The following AKAP6 variants were observed in gnomAD, a reference collection of about 807,000 sequenced individuals.
The protein encoded by AKAP6 is A-kinase anchor protein 6.
A neutral mutation model predicts 188.5 loss-of-function variants in AKAP6; 58 were observed. The ratio of observed to expected loss-of-function variants is 0.31; its 90% confidence interval spans 0.25 to 0.38. AKAP6 has a LOEUF of 0.38. Among genes scored for constraint, AKAP6 ranks in the 10% least tolerant of loss-of-function variants. The pLI is 1.00. For synonymous variants in AKAP6, 989 were observed against 998.6 expected (o/e 0.99, Z 0.18); for missense variants, 2,710 against 2,740.0 (o/e 0.99, Z 0.24).
intron 7 of AKAP6, among the ~76,000 whole-genome samples, chr14:32,634,563 T>A (rs1036899993): frequency 2.0e-5 from 3 of 152,092 alleles, no homozygotes; most frequent in Non-Finnish European, 4.4e-5. Flanking sequence ...CTGTATCCTA[T>A]AGGCTGAGGA....
At chr14:32,422,133 A>G (rs1889870533) in intron 1 of AKAP6, among the ~76,000 whole-genome samples, 1 of 152,208 alleles carries the variant, frequency 6.6e-6, no homozygotes, top group Non-Finnish European at 1.5e-5. Flanking sequence ...TTAAAAATCA[A>G]GATTAATCTT....
intron 1 of AKAP6, among the ~76,000 whole-genome samples, chr14:32,342,552 T>C (rs1295483258): frequency 6.6e-6 from 1 of 152,186 alleles, no homozygotes; most frequent in Non-Finnish European, 1.5e-5. Flanking sequence ...ACAACTGATA[T>C]TATTAGACAT....
At chr14:32,761,976 C>G (rs1371709897) in intron 11 of AKAP6, among the ~76,000 whole-genome samples, 1 of 152,150 alleles carries the variant, frequency 6.6e-6, no homozygotes, top group East Asian at 1.9e-4. Flanking sequence ...AGATAAAAAG[C>G]ACAGTGGGTG....
At chr14:32,354,375 C>T (rs1344698486) in intron 1 of AKAP6, among the ~76,000 whole-genome samples, 1 of 151,796 alleles carries the variant, frequency 6.6e-6, no homozygotes, top group African/African-American at 2.4e-5. Flanking sequence ...TGACCTTGGA[C>T]AATTTACTTA....
chr14:32,757,732 C>T (rs116784110), intron 11 of AKAP6, among the ~76,000 whole-genome samples: 1,641 of 152,288 alleles, frequency 0.011, 28 homozygotes, highest in African/African-American at 0.037. Context: ...AACGGAGATA[C>T]AGACAGTGAA....
At chr14:32,606,505 A>C (rs965746826) in intron 7 of AKAP6, among the ~76,000 whole-genome samples, 1 of 152,238 alleles carries the variant, frequency 6.6e-6, no homozygotes, top group African/African-American at 2.4e-5. Context: ...TGACTTATCC[A>C]ACCTTACATC....
At chr14:32,548,124 A>G (rs1453810451) in intron 4 of AKAP6, among the ~76,000 whole-genome samples, 4 of 128,942 alleles carry the variant, frequency 3.1e-5, no homozygotes, top group Non-Finnish European at 4.7e-5. Flanking sequence ...TCCTCTGAGC[A>G]GAGTTTTGCT....
At chr14:32,556,324 G>A (rs1180940170) in intron 4 of AKAP6, among the ~76,000 whole-genome samples, 1 of 151,918 alleles carries the variant, frequency 6.6e-6, no homozygotes, top group African/African-American at 2.4e-5. Context: ...TTCAGTTGTA[G>A]GAGTTCGTTA....
intron 12 of AKAP6, among the ~76,000 whole-genome samples, chr14:32,809,646 C>T (rs2034173611): frequency 6.6e-6 from 1 of 152,150 alleles, no homozygotes; most frequent in African/African-American, 2.4e-5. Context: ...TCACACACAG[C>T]TCATCTAGTG....
At chr14:32,499,883 C>A (rs1157169536) in intron 2 of AKAP6, among the ~76,000 whole-genome samples, 1 of 151,694 alleles carries the variant, frequency 6.6e-6, no homozygotes, top group East Asian at 1.9e-4. Context: ...TCATTCATAC[C>A]AAAGACCTAT....
chr14:32,483,770 C>T (rs1879501884), intron 2 of AKAP6, among the ~76,000 whole-genome samples: 2 of 152,138 alleles, frequency 1.3e-5, no homozygotes, highest in Admixed American at 1.3e-4. Flanking sequence ...AGGTGTGAGC[C>T]ACTGTGCCCC....
At chr14:32,509,120 CT>C (rs368423502) in intron 2 of AKAP6, among the ~76,000 whole-genome samples, 2,012 of 94,406 alleles carry the variant, frequency 0.021, 11 homozygotes, top group African/African-American at 0.035. Flanking sequence ...TGCCCTGCCT[CT>C]TTTTTTTTTT....
chr14:32,499,253 G>A (rs1880480640), intron 2 of AKAP6, among the ~76,000 whole-genome samples: 1 of 140,456 alleles, frequency 7.1e-6, no homozygotes, highest in Non-Finnish European at 1.5e-5. Context: ...TATTTGTTAT[G>A]ATTTATCAAC....
At chr14:32,345,077 G>GT (rs1195284545) in intron 1 of AKAP6, among the ~76,000 whole-genome samples, 1 of 152,082 alleles carries the variant, frequency 6.6e-6, no homozygotes, top group Non-Finnish European at 1.5e-5. Flanking sequence ...ATCAAATTTT[G>GT]TTTTTTCTAT....
intron 12 of AKAP6, among the ~76,000 whole-genome samples, chr14:32,787,950 A>G (rs901264975): frequency 6.7e-6 from 1 of 149,502 alleles, no homozygotes; most frequent in East Asian, 2.0e-4. Flanking sequence ...CTGAAACAGG[A>G]GGACTGCTTG....
Position 32,822,433 on chromosome 14 carries a change from A to T in AKAP6, c.4620A>T (p.Ser1540=). ...CATCTCATGAAATGGATCGCATTTC[A>T]TATAAAAGTGGCAATATAGAAAAGA... The part of the protein sequence containing the change: ...ASASHEMDRI[S]YKSGNIEKTF... Residue 1540 remains serine (S), a synonymous_variant, in exon 13 of 14, where the codon TCA becomes TCT. Transcript: ENST00000280979. The T allele has an allele frequency of 6.2e-7, 1 of 1,614,054 alleles. No individual in the cohort carries two copies. The highest frequency in any genetic ancestry group is 1.1e-5 in the South Asian group (1 of 91,086).
intron 1 of AKAP6, among the ~76,000 whole-genome samples, chr14:32,360,504 A>G (rs1397455264): frequency 6.6e-6 from 1 of 152,052 alleles, no homozygotes; most frequent in African/African-American, 2.4e-5. Flanking sequence ...ATCACCTGTT[A>G]TATTGGTGAT....
chr14:32,712,937 A>G (rs1489596127), intron 9 of AKAP6, among the ~76,000 whole-genome samples: 1 of 151,954 alleles, frequency 6.6e-6, no homozygotes, highest in African/African-American at 2.4e-5. Flanking sequence ...AAGGTTTTCA[A>G]TGGACTTTGT....
chr14:32,835,976 AAAGGCATTTTGGCC>A lies in AKAP6; in HGVS notation c.*6174_*6187del, dbSNP rs1159498546. 1 of 152,260 alleles carries A rather than the reference AAAGGCATTTTGGCC, an allele frequency of 6.6e-6. No homozygotes were observed. Among genetic ancestry groups the A allele is most frequent in the Non-Finnish European group, 1.5e-5 (1 of 68,048 alleles). 9.4% of individuals were successfully genotyped at this position (152,260 alleles called of 1,614,324 possible). Reference sequence around the variant, plus strand: ...CCCACAATAGTATGGTTTCTTTGGCAAAGGCATTTTGGCCAATGCCGTAAGACCATTCTGGCCCT... The same window carrying A: ...CCCACAATAGTATGGTTTCTTTGGCAAATGCCGTAAGACCATTCTGGCCCT... On this transcript the variant is annotated 3_prime_UTR_variant, in exon 14 of 14. Transcript: ENST00000280979.
Sources: gnomAD v4.1 joint callset for allele counts (sites outside exome capture counted in the v4.1 genomes callset) on GRCh38, gnomAD v4.1.1 for gene constraint, MANE v1.5 for transcripts, NCBI Gene and HGNC (gene_info 2026-07-23, HGNC 2026-07-21) for gene names.